Variants in MRPS6 observed in about 807,000 individuals in gnomAD.
MRPS6 encodes small ribosomal subunit protein bS6m.
In MRPS6, 6 loss-of-function variants were observed where a neutral mutation model predicts 13.1. The observed-to-expected ratio is 0.46, with a 90% CI of 0.25 to 0.91. MRPS6 has a LOEUF of 0.91. Among genes scored for constraint, MRPS6 ranks in the 40% least tolerant of loss-of-function variants. MRPS6 has a pLI of 0.18. For missense variants in MRPS6, 164 were observed against 155.6 expected, an observed-to-expected ratio of 1.05 and a Z score of -0.29; for synonymous variants, 61 against 56.5, an observed-to-expected ratio of 1.08 and a Z score of -0.36.
chr21:34,091,409 A>G (rs755270664), intron 1 of MRPS6, among the ~76,000 whole-genome samples: 1 of 152,132 alleles, frequency 6.6e-6, no homozygotes, highest in Non-Finnish European at 1.5e-5. Flanking sequence ...GTTTACATAT[A>G]GTTCCAGAAT....
Position 34,105,417 on chromosome 21 carries a change from T to C in MRPS6, c.46-19924T>C, listed in dbSNP as rs1000831032. The C allele has an allele frequency of 3.0e-6, 3 of 998,672 alleles. No individual in the cohort carries two copies. The African/African-American group carries it at 5.2e-5, about 17-fold the overall frequency. The allele number at this position is 998,672 out of a possible 1,614,324, so 61.9% of individuals were successfully genotyped here. On this transcript the variant is annotated intron_variant, in intron 1 of 2. Transcript: ENST00000399312. The stretch of plus-strand genomic sequence containing the variant: ...TTCTAATAATATCCTGTGAAATTGC[T>C]TCATTCATTCATTTATTTTTAAGCC...
At chr21:34,127,027 C>T (rs1212428877) in intron 2 of MRPS6, among the ~76,000 whole-genome samples, 5 of 152,182 alleles carry the variant, frequency 3.3e-5, no homozygotes, top group Admixed American at 6.5e-5. Context: ...CCACTGGGAC[C>T]AAGCCAGAAC....
At chr21:34,122,989 C>G (rs751956717) in intron 1 of MRPS6, 2 of 152,142 alleles carry the variant, frequency 1.3e-5, no homozygotes, top group Non-Finnish European at 2.9e-5. Context: ...TTGCCTTAGA[C>G]TTTTTACCTA....
At chr21:34,138,855 A>G (rs1487939863) in intron 2 of MRPS6, among the ~76,000 whole-genome samples, 2 of 152,148 alleles carry the variant, frequency 1.3e-5, no homozygotes, top group African/African-American at 2.4e-5. Context: ...CCAAAGGACT[A>G]TAAATCATGC....
chr21:34,092,125 C>T (rs202124394), intron 1 of MRPS6, among the ~76,000 whole-genome samples: 1 of 149,354 alleles, frequency 6.7e-6, no homozygotes, highest in Non-Finnish European at 1.5e-5. Context: ...GGAAGAAAAA[C>T]ATATATATAT....
intron 2 of MRPS6, among the ~76,000 whole-genome samples, chr21:34,135,108 A>G (rs994707708): frequency 2.0e-5 from 3 of 152,152 alleles, no homozygotes; most frequent in Non-Finnish European, 2.9e-5. Flanking sequence ...GTGTGTATCA[A>G]TAGTTCACTC....
chr21:34,096,601 A>C lies in MRPS6; in HGVS notation c.45+22856A>C. The C allele has an allele frequency of 6.2e-7, 1 of 1,614,108 alleles. No homozygotes were observed. The highest frequency in any genetic ancestry group is 1.7e-5 in the Admixed American group (1 of 60,016). On this transcript the variant is annotated intron_variant, in intron 1 of 2. Transcript: ENST00000399312. This position sits in a 1 kb window ranked among gnomAD's most constrained non-coding sequence, Gnocchi z 5.9. Reference sequence around the variant, plus strand: ...ATTTTCTGGAAGCGCTGCAATGAACAAGGGGCTTTCTATGGTGGAATGGCT... The same window carrying C: ...ATTTTCTGGAAGCGCTGCAATGAACCAGGGGCTTTCTATGGTGGAATGGCT...
Position 34,142,758 on chromosome 21 carries a change from G to A in MRPS6, c.*158G>A, listed in dbSNP as rs1370871622. 11 of 809,988 alleles carry A rather than the reference G, an allele frequency of 1.4e-5. No homozygotes were observed. The East Asian group carries it at 2.7e-4, about 20-fold the overall frequency. 50.2% of individuals were successfully genotyped at this position (809,988 alleles called of 1,614,324 possible). On this transcript the variant is annotated 3_prime_UTR_variant, in exon 3 of 3. Coordinates refer to ENST00000399312, the MANE Select transcript of MRPS6 (RefSeq NM_032476.4). ...TTTTAGCCCTTGATCCCCTTTGCTTGCGAGAGGTGGGGAACTGCTCACTGA... is the reference window on the plus strand; with the variant it reads ...TTTTAGCCCTTGATCCCCTTTGCTTACGAGAGGTGGGGAACTGCTCACTGA...
chr21:34,087,082 G>T (rs185817289), intron 1 of MRPS6, among the ~76,000 whole-genome samples: 10 of 152,344 alleles, frequency 6.6e-5, no homozygotes, highest in Admixed American at 5.9e-4. Flanking sequence ...CAGACTGGTG[G>T]TAGGTGGTAG....
chr21:34,105,054 A>T (rs1010500463), intron 1 of MRPS6: 1 of 999,908 alleles, frequency 1.0e-6, no homozygotes, highest in Admixed American at 6.2e-5. Context: ...TTGCTCATAG[A>T]CTTTTCTGTG....
At chr21:34,135,843 C>T in intron 2 of MRPS6, 1 of 554,278 alleles carries the variant, frequency 1.8e-6, no homozygotes, top group South Asian at 1.8e-5. Flanking sequence ...TGAGGGACTC[C>T]ACAATGGGGC....
intron 1 of MRPS6, among the ~76,000 whole-genome samples, chr21:34,112,972 C>T (rs1489068877): frequency 6.6e-6 from 1 of 152,078 alleles, no homozygotes; most frequent in Non-Finnish European, 1.5e-5. Context: ...GGCTGGCCAA[C>T]ATGGTGAAAC....
At chr21:34,102,669 A>G (rs1979299424) in intron 1 of MRPS6, 2 of 1,000,052 alleles carry the variant, frequency 2.0e-6, no homozygotes, top group South Asian at 9.4e-5. Context: ...TTGAAGAGAA[A>G]GGATGCTAGA....
At chr21:34,095,599 A>C in intron 1 of MRPS6, 1 of 1,611,630 alleles carries the variant, frequency 6.2e-7, no homozygotes, top group Non-Finnish European at 8.5e-7. Flanking sequence ...CTGATTCTCT[A>C]TATTTTCACC....
intron 1 of MRPS6, among the ~76,000 whole-genome samples, chr21:34,077,128 G>C (rs922570348): frequency 6.6e-6 from 1 of 152,224 alleles, no homozygotes; most frequent in Non-Finnish European, 1.5e-5. Context: ...GAGCTCTCTT[G>C]TGAGTGGGAA....
At position 34,073,653 on chromosome 21, in the gene MRPS6, TC is replaced by T; in HGVS notation, c.-45del. On this transcript the variant is annotated 5_prime_UTR_variant, in exon 1 of 3. Transcript: ENST00000399312. ...GTCCCCGCCGTCCCGCCCCTTCGCGTCCCGGGAACCGGCTGGCTTCCGAGCC... is the reference window on the plus strand; with the variant it reads ...GTCCCCGCCGTCCCGCCCCTTCGCGTCCGGGAACCGGCTGGCTTCCGAGCC... 6.7e-7 allele frequency: 1 copy of T among 1,499,750 alleles called. No individual in the cohort carries two copies. Among genetic ancestry groups the T allele is most frequent in the African/African-American group, 1.5e-5 (1 of 68,678 alleles). 92.9% of individuals were successfully genotyped at this position (1,499,750 alleles called of 1,614,324 possible).
At chr21:34,106,414 A>G (rs1202181208) in intron 1 of MRPS6, among the ~76,000 whole-genome samples, 2 of 152,162 alleles carry the variant, frequency 1.3e-5, no homozygotes, top group Non-Finnish European at 2.9e-5. Flanking sequence ...TGTCATTTTT[A>G]ATCTTTGTAA....
intron 1 of MRPS6, among the ~76,000 whole-genome samples, chr21:34,113,309 AG>A (rs1359299415): frequency 6.6e-6 from 1 of 152,208 alleles, no homozygotes; most frequent in African/African-American, 2.4e-5. Flanking sequence ...ACAATAGCTG[AG>A]ATGTGGATCA....
At chr21:34,112,936 C>G (rs574970754) in intron 1 of MRPS6, among the ~76,000 whole-genome samples, 1 of 152,002 alleles carries the variant, frequency 6.6e-6, no homozygotes, top group African/African-American at 2.4e-5. Context: ...GTGGGTGGAT[C>G]GCTTGACGTC....
Sources: gnomAD v4.1 joint callset for allele counts (sites outside exome capture counted in the v4.1 genomes callset) on GRCh38, gnomAD v4.1.1 for gene constraint, Gnocchi (gnomAD v3.1) non-coding constraint, MANE v1.5 for transcripts, NCBI Gene and HGNC (gene_info 2026-07-23, HGNC 2026-07-21) for gene names.